The following SPNS2 variants were observed in gnomAD, a reference collection of about 807,000 sequenced individuals.
SPNS2 encodes the protein SPNS lysolipid transporter 2, sphingosine-1-phosphate.
A neutral mutation model predicts 57.6 loss-of-function variants in SPNS2; 37 were observed. The observed-to-expected ratio is 0.64, with a 90% CI of 0.49 to 0.85. The LOEUF (loss-of-function observed/expected upper bound fraction) is 0.85, where lower values mean the gene tolerates loss of function less well. SPNS2 is among the 40% of genes least tolerant of loss of function. The pLI is 0.00. For missense variants in SPNS2, 831 were observed against 779.1 expected (o/e 1.07, Z -0.79); for synonymous variants, 440 against 346.9 (o/e 1.27, Z -2.98).
chr17:4,536,242 T>G (rs746963548), intron 10 of SPNS2, 21 bp from the exon 11 acceptor site: 2 of 1,609,982 alleles, frequency 1.2e-6, no homozygotes, highest in Non-Finnish European at 1.7e-6. Context: ...TGCCCTGACA[T>G]CCACCCCCAA....
At chr17:4,528,532 G>A (rs1017178818) in intron 3 of SPNS2, among the ~76,000 whole-genome samples, 5 of 151,836 alleles carry the variant, frequency 3.3e-5, no homozygotes, top group Admixed American at 2.6e-4. Flanking sequence ...GCACAATCTC[G>A]GCTCACTGCA....
At chr17:4,506,950 C>T (rs1254636245) in intron 1 of SPNS2, among the ~76,000 whole-genome samples, 2 of 152,186 alleles carry the variant, frequency 1.3e-5, no homozygotes, top group African/African-American at 4.8e-5. Context: ...CTGAAGATCA[C>T]AGCCTCCTGC....
At chr17:4,533,543 C>T in intron 8 of SPNS2, 111 bp downstream of exon 8, 1 of 1,217,714 alleles carries the variant, frequency 8.2e-7, no homozygotes, top group Non-Finnish European at 1.1e-6. Flanking sequence ...CTCGGGGAGG[C>T]TCCTATTCTC....
rs377356845 is a variant in SPNS2 at position 4,536,060 on chromosome 17, C to T, written c.1345-16C>T. ...CCTTTCTCCTCTGGCCGCTGACCTG[C>T]CCGCCTGTTCCGCAGTACGTGGTCA... On this transcript the variant is annotated splice_polypyrimidine_tract_variant and intron_variant, in intron 9 of 12. Coordinates refer to ENST00000329078, the MANE Select transcript of SPNS2 (RefSeq NM_001124758.3). The T allele has an allele frequency of 8.1e-5, 130 of 1,605,714 alleles. No individual in the cohort carries two copies. In the African/African-American group the frequency reaches 1.5e-3, roughly 18 times the overall value.
intron 5 of SPNS2, among the ~76,000 whole-genome samples, chr17:4,531,771 A>G (rs557496631): frequency 6.6e-6 from 1 of 151,200 alleles, no homozygotes; most frequent in East Asian, 2.0e-4. Flanking sequence ...CATGGGGGAG[A>G]GTGTTCTGCG....
intron 1 of SPNS2, among the ~76,000 whole-genome samples, chr17:4,507,022 C>T (rs570968058): frequency 6.6e-6 from 1 of 152,298 alleles, no homozygotes; most frequent in Non-Finnish European, 1.5e-5. Flanking sequence ...GTGAGTGTGC[C>T]TGAGTCCAGA....
Position 4,533,396 on chromosome 17 carries a change from C to A in SPNS2, c.1242C>A (p.Ile414=). Residue 414 remains isoleucine (I), a synonymous_variant, in exon 8 of 13, where the codon ATC becomes ATA. Transcript: ENST00000329078. ...MLGSAIFICL[I]FVAAKSSIVG... is the part of the protein sequence containing the mutation. ...GCTCTGCCATCTTCATCTGCCTGAT[C>A]TTCGTGGCTGCCAAGAGCAGCATCG... 2 of 1,609,160 alleles carry A rather than the reference C, an allele frequency of 1.2e-6. No individual in the cohort carries two copies. The highest frequency in any genetic ancestry group is 2.2e-5 in the East Asian group (1 of 44,818).
In SPNS2 at chr17:4,537,655, A is replaced by T. The variant is rs751378773; in HGVS notation, c.*207A>T. 2 of 456,730 alleles carry T rather than the reference A, an allele frequency of 4.4e-6. No homozygotes were observed. Among genetic ancestry groups the T allele is most frequent in the South Asian group, 3.1e-5 (2 of 64,574 alleles). 28.3% of individuals were successfully genotyped at this position (456,730 alleles called of 1,614,324 possible). The stretch of plus-strand genomic sequence containing the variant: ...TACCCTGGAAGGATGTGTGTGTTGG[A>T]GCCACACGGTTGGACAGGTTCCCAG... On this transcript the variant is annotated 3_prime_UTR_variant, in exon 13 of 13. Transcript: ENST00000329078.
intron 2 of SPNS2, among the ~76,000 whole-genome samples, chr17:4,515,044 G>T (rs11657923): frequency 0.21 from 32,584 of 152,138 alleles, 4,403 homozygotes; most frequent in South Asian, 0.36. Context: ...ACAGCCCAGG[G>T]AGGGGGCGGG....
intron 3 of SPNS2, among the ~76,000 whole-genome samples, chr17:4,530,217 C>T (rs575036589): frequency 4.6e-5 from 7 of 152,300 alleles, no homozygotes; most frequent in South Asian, 2.1e-4. Flanking sequence ...CCTAGCCACC[C>T]GGCTTGGGAG....
rs893337117 is a variant in SPNS2 at position 4,537,771 on chromosome 17, T to C, written c.*323T>C. 1 of 456,286 alleles carries C rather than the reference T, an allele frequency of 2.2e-6. No homozygotes were observed. Among genetic ancestry groups the C allele is most frequent in the Non-Finnish European group, 4.4e-6 (1 of 226,572 alleles). 28.3% of individuals were successfully genotyped at this position (456,286 alleles called of 1,614,324 possible). ...GAGAGCCTGGCCTGCCACCAGCTTA[T>C]GTGATCTTGGGCAAGTCCCTGCCCT... On this transcript the variant is annotated 3_prime_UTR_variant, in exon 13 of 13. Transcript: ENST00000329078.
chr17:4,533,897 C>T (rs765221565), intron 9 of SPNS2, 44 bp downstream of exon 9: 4 of 1,586,408 alleles, frequency 2.5e-6, no homozygotes, highest in Admixed American at 1.7e-5. Context: ...CTGACCCAGG[C>T]CTCTTGACCT....
intron 8 of SPNS2, 163 bp from the exon 9 acceptor site, chr17:4,533,625 G>T: frequency 9.7e-7 from 1 of 1,033,748 alleles, no homozygotes; most frequent in African/African-American, 1.6e-5. Context: ...TCAGGGCCGT[G>T]GGCATGGCTT....
intron 11 of SPNS2, 58 bp downstream of exon 11, chr17:4,536,484 C>A: frequency 6.4e-7 from 1 of 1,551,274 alleles, no homozygotes; most frequent in Non-Finnish European, 8.7e-7. Flanking sequence ...ACCGTGATAG[C>A]CACCGTGAGC....
intron 9 of SPNS2, chr17:4,534,258 C>G (rs967507600): frequency 3.8e-6 from 1 of 265,006 alleles, no homozygotes; most frequent in African/African-American, 2.2e-5. Flanking sequence ...GCTGGGCGGA[C>G]AGAGGCTGTC....
rs74711894 is a variant in SPNS2, at chr17:4,522,455, C to T, written c.437-2602C>T. Among the ~76,000 whole-genome samples, 55 of 152,326 alleles carry T rather than the reference C, an allele frequency of 3.6e-4. No homozygotes were observed. The East Asian group carries it at 8.5e-3, about 23-fold the overall frequency. ...GGTCTGCTCGTACACCCACCACCCA[C>T]GCGCACTCACTGGCCTGTTCTTGCT... On this transcript the variant is annotated intron_variant, in intron 2 of 12. Transcript: ENST00000329078.
chr17:4,518,970 C>T (rs1338884548), intron 2 of SPNS2, among the ~76,000 whole-genome samples: 1 of 152,208 alleles, frequency 6.6e-6, no homozygotes, highest in Non-Finnish European at 1.5e-5. Flanking sequence ...TGTTCCCGTC[C>T]TTCCACCGGG....
Position 4,533,010 on chromosome 17 carries a change from G to A in SPNS2, c.969G>A (p.Ser323=), listed in dbSNP as rs199734993. Residue 323 remains serine, a synonymous_variant, in exon 7 of 13, where the codon TCG becomes TCA. Coordinates refer to ENST00000329078, the MANE Select transcript of SPNS2 (RefSeq NM_001124758.3). ...ACGTCTTCTCCTCCCTGGCCACGTC[G>A]GCTGTCTCCTTCGCCACGGGGGCCC... The part of the protein sequence containing the change: ...RSYVFSSLAT[S]AVSFATGALG... 2.7e-5 allele frequency: 44 copies of A among 1,613,234 alleles called. No individual in the cohort carries two copies. The highest frequency in any genetic ancestry group is 2.0e-4 in the South Asian group (18 of 91,048).
intron 9 of SPNS2, 72 bp downstream of exon 9, chr17:4,533,925 AGGGCGGGTGAAG>A: frequency 2.7e-6 from 2 of 733,226 alleles, no homozygotes; most frequent in Admixed American, 1.9e-5. Flanking sequence ...GTGCCTGGGG[AGGGCGGGTGAAG>A]GGGCGGGAGA....
Sources: gnomAD v4.1 joint callset for allele counts (sites outside exome capture counted in the v4.1 genomes callset) on GRCh38, gnomAD v4.1.1 for gene constraint, MANE v1.5 for transcripts, NCBI Gene and HGNC (gene_info 2026-07-23, HGNC 2026-07-21) for gene names.